The following HECTD2 variants were observed in gnomAD, a reference collection of about 807,000 sequenced individuals.
HECTD2 encodes the protein probable E3 ubiquitin-protein ligase HECTD2.
HECTD2 carries 35 observed loss-of-function variants against 103.2 expected under a neutral mutation model. That is an observed-to-expected ratio of 0.34 (90% CI 0.26 to 0.45). The LOEUF is 0.45. Ranked by LOEUF, HECTD2 falls within the 20% of genes least tolerant of loss-of-function variation. HECTD2 has a pLI of 1.00. For synonymous variants in HECTD2, 281 were observed against 329.9 expected (o/e 0.85, Z 1.61); for missense variants, 596 against 937.4 (o/e 0.64, Z 4.76).
chr10:91,471,974 A>G (rs878968532), intron 5 of HECTD2, among the ~76,000 whole-genome samples: 6 of 152,226 alleles, frequency 3.9e-5, no homozygotes, highest in Admixed American at 3.3e-4. Flanking sequence ...TAAAATTCAT[A>G]TGAAACTAGA....
intron 5 of HECTD2, among the ~76,000 whole-genome samples, chr10:91,468,306 C>A (rs1447363467): frequency 1.3e-5 from 2 of 152,086 alleles, no homozygotes; most frequent in African/African-American, 4.8e-5. Context: ...TGAGCCTTGG[C>A]CCACTAAAAT....
intron 1 of HECTD2, 97 bp from the exon 2 acceptor site, chr10:91,425,184 T>A (rs1299459326): frequency 9.7e-7 from 1 of 1,034,090 alleles, no homozygotes; most frequent in Admixed American, 3.1e-5. Flanking sequence ...CTACTCGTCA[T>A]CAAATTAAAA....
At chr10:91,495,777 T>C (rs1846643916) in intron 14 of HECTD2, among the ~76,000 whole-genome samples, 1 of 152,162 alleles carries the variant, frequency 6.6e-6, no homozygotes, top group Non-Finnish European at 1.5e-5. Flanking sequence ...TCACACATAG[T>C]CTGTTTTTAA....
chr10:91,409,851 C>A (rs1314111254), upstream of HECTD2, among the ~76,000 whole-genome samples: 4 of 152,192 alleles, frequency 2.6e-5, no homozygotes, highest in Non-Finnish European at 5.9e-5. Flanking sequence ...AGGCCACCAG[C>A]CCAGACCCCG....
chr10:91,501,141 T>C, intron 19 of HECTD2, 50 bp from the exon 20 acceptor site: 1 of 1,509,646 alleles, frequency 6.6e-7, no homozygotes, highest in Admixed American at 1.8e-5. Context: ...TACTTTATTA[T>C]AGGATTTTTG....
intron 2 of HECTD2, among the ~76,000 whole-genome samples, chr10:91,454,878 G>A (rs1845006887): frequency 6.6e-6 from 1 of 152,076 alleles, no homozygotes; most frequent in Admixed American, 6.6e-5. Flanking sequence ...CTTCATCCAT[G>A]TCCCTACAAA....
chr10:91,486,428 A>G (rs1846268772), intron 10 of HECTD2: 1 of 152,182 alleles, frequency 6.6e-6, no homozygotes, highest in Non-Finnish European at 1.5e-5. Context: ...TGACAACAAC[A>G]TCTTTTAATA....
In HECTD2 at chr10:91,460,518, T is replaced by C. The variant is rs1215643776; in HGVS notation, c.360T>C (p.Leu120=). Residue 120 remains leucine, a synonymous_variant, in exon 3 of 21, where the codon CTT becomes CTC. Transcript: ENST00000298068. ...CATCCGAAATGAAGGCCCCAGTCCT[T>C]CCAGAACCTATTCTTCCTATCCAGC... The part of the protein sequence containing the change: ...ASSSEMKAPV[L]PEPILPIQPK... The C allele has an allele frequency of 2.5e-6, 4 of 1,612,732 alleles. No individual in the cohort carries two copies. Among genetic ancestry groups the C allele is most frequent in the Middle Eastern group, 1.7e-4 (1 of 6,058 alleles).
chr10:91,437,619 C>CTTTTTTTTTTTTTTTTTTTGTGTGTTTTT (rs1844179173), intron 2 of HECTD2, among the ~76,000 whole-genome samples: 1 of 87,426 alleles, frequency 1.1e-5, no homozygotes, highest in Non-Finnish European at 2.7e-5. Context: ...GATGGTTGTT[C>CTTTTTTTTTTTTTTTTTTTGTGTGTTTTT]TTTTTTTTTT....
chr10:91,445,801 T>C lies in HECTD2; in HGVS notation c.269-14626T>C, dbSNP rs558609325. ...CAAGGGATCAGAGAAATCCCTCCCCTAGCCAAGGGAAGTCGTGAGAGACTG... is the reference window on the plus strand; with the variant it reads ...CAAGGGATCAGAGAAATCCCTCCCCCAGCCAAGGGAAGTCGTGAGAGACTG... On this transcript the variant is annotated intron_variant, in intron 2 of 20. Transcript: ENST00000298068. 1.6e-3 allele frequency among the ~76,000 whole-genome samples: 248 copies of C among 152,160 alleles called. 2 individuals carry two copies. Among genetic ancestry groups the C allele is most frequent in the Non-Finnish European group, 2.9e-3 (195 of 67,972 alleles).
chr10:91,497,287 CT>C lies in HECTD2; in HGVS notation c.1681-804del, dbSNP rs549997514. 7.5e-3 allele frequency among the ~76,000 whole-genome samples: 894 copies of C among 118,842 alleles called. 8 individuals carry two copies. Among genetic ancestry groups the C allele is most frequent in the African/African-American group, 0.024 (763 of 31,166 alleles). 78.0% of individuals were successfully genotyped at this position (118,842 alleles called of 152,430 possible). A position where few individuals can be genotyped will look rare whatever the true frequency, so the allele number is the denominator to read the frequency against. On this transcript the variant is annotated intron_variant, in intron 15 of 20. Transcript: ENST00000298068. ...CACTGAGCCCAGCCAGAAAATGTTT[CT>C]TTTTTTTTTTTTTTTTCTGCCCAAG... is the stretch of plus-strand genomic sequence containing the variant.
intron 2 of HECTD2, among the ~76,000 whole-genome samples, chr10:91,429,414 C>T (rs1025425743): frequency 3.3e-5 from 5 of 151,848 alleles, no homozygotes; most frequent in African/African-American, 9.7e-5. Context: ...GGGAGGATTC[C>T]CTCTTTTTCT....
chr10:91,490,816 A>G (rs1373845004), intron 11 of HECTD2, among the ~76,000 whole-genome samples: 5 of 147,218 alleles, frequency 3.4e-5, no homozygotes, highest in Non-Finnish European at 7.4e-5. Context: ...GCATGAACCC[A>G]AGAGGCGGAG....
chr10:91,427,292 A>G (rs1205513414), intron 2 of HECTD2, among the ~76,000 whole-genome samples: 1 of 151,908 alleles, frequency 6.6e-6, no homozygotes, highest in Non-Finnish European at 1.5e-5. Flanking sequence ...GCTATTGTGA[A>G]TAGTGCCGCA....
intron 15 of HECTD2, 57 bp from the exon 16 acceptor site, chr10:91,498,051 A>G: frequency 5.0e-6 from 6 of 1,199,252 alleles, no homozygotes; most frequent in Non-Finnish European, 1.2e-6. Flanking sequence ...AAGCCACTTC[A>G]TTATCCTAGC....
intron 2 of HECTD2, among the ~76,000 whole-genome samples, chr10:91,437,654 T>C (rs1222736349): frequency 6.6e-6 from 1 of 151,346 alleles, no homozygotes; most frequent in East Asian, 1.9e-4. Flanking sequence ...TTTTGTTTTT[T>C]TTGTTGTTTT....
chr10:91,467,751 A>G (rs1450279748), intron 5 of HECTD2, among the ~76,000 whole-genome samples: 1 of 150,880 alleles, frequency 6.6e-6, no homozygotes, highest in Non-Finnish European at 1.5e-5. Flanking sequence ...ATTTCTCCCC[A>G]CCAGTATGTG....
chr10:91,432,668 TA>T (rs11318501), intron 2 of HECTD2, among the ~76,000 whole-genome samples: 30,460 of 148,700 alleles, frequency 0.2, 7,220 homozygotes, highest in African/African-American at 0.58. Flanking sequence ...CCCCAAACTT[TA>T]AAAAAAAAAA....
chr10:91,435,186 T>G (rs1213480036), intron 2 of HECTD2, among the ~76,000 whole-genome samples: 1 of 151,976 alleles, frequency 6.6e-6, no homozygotes, highest in Non-Finnish European at 1.5e-5. Context: ...CCCAATCACT[T>G]TGCCCTACCC....
Sources: allele counts gnomAD v4.1 joint callset (sites outside exome capture counted in the v4.1 genomes callset), GRCh38; gene constraint gnomAD v4.1.1; transcripts MANE v1.5; gene names NCBI Gene and HGNC (gene_info 2026-07-23, HGNC 2026-07-21).